Variants in POLD1 observed in about 807,000 individuals in gnomAD.
POLD1 encodes DNA polymerase delta catalytic subunit.
In POLD1, 79 loss-of-function variants were observed where a neutral mutation model predicts 129.7. The ratio of observed to expected loss-of-function variants is 0.61; its 90% CI spans 0.51 to 0.73. POLD1 has a LOEUF of 0.73. POLD1 is among the 30% of genes least tolerant of loss of function. The pLI is 0.00. For synonymous variants in POLD1, 714 were observed against 683.3 expected (o/e 1.04, Z -0.70); for missense variants, 1,338 against 1,595.8 (o/e 0.84, Z 2.75).
intron 24 of POLD1, 65 bp downstream of exon 24, chr19:50,416,788 T>C (rs760138543): frequency 1.3e-5 from 17 of 1,283,446 alleles, no homozygotes; most frequent in African/African-American, 4.4e-5. Context: ...CCCCAGATCC[T>C]AGACACCCAC....
In POLD1 at chr19:50,397,430, A is replaced by C. The variant is rs146615034; in HGVS notation, c.-1-1421A>C. Among the ~76,000 whole-genome samples the C allele has an allele frequency of 1.1e-3, 154 of 134,104 alleles. 1 individual carries two copies. The East Asian group carries it at 0.03, about 26-fold the overall frequency. The allele number at this position is 134,104 out of a possible 152,430, so 88.0% of individuals were successfully genotyped here. On this transcript the variant is annotated intron_variant, in intron 1 of 26. Transcript: ENST00000440232. Reference sequence around the variant, plus strand: ...TTTTTTTTTTTTTTTTCTGAGACGGAGTCTTGCTCTGTGGCCCAGGATGGA... The same window carrying C: ...TTTTTTTTTTTTTTTTCTGAGACGGCGTCTTGCTCTGTGGCCCAGGATGGA...
At chr19:50,385,137 G>C (rs2037926532) in intron 1 of POLD1, among the ~76,000 whole-genome samples, 1 of 152,154 alleles carries the variant, frequency 6.6e-6, no homozygotes, top group African/African-American at 2.4e-5. Flanking sequence ...AACACGATTC[G>C]CCCCATGTTT....
chr19:50,417,674 C>A (rs2445839), intron 26 of POLD1, among the ~76,000 whole-genome samples, 168 bp from the exon 27 acceptor site: 18 of 110,392 alleles, frequency 1.6e-4, no homozygotes, highest in African/African-American at 7.6e-4. Context: ...TATCGGCTCC[C>A]CCCCCCCACC....
chr19:50,401,029 G>A (rs2038579788), intron 3 of POLD1, among the ~76,000 whole-genome samples: 1 of 151,472 alleles, frequency 6.6e-6, no homozygotes, highest in Non-Finnish European at 1.5e-5. Flanking sequence ...TTTGGGCCCG[G>A]CATGGTGGCT....
At chr19:50,393,161 C>T (rs561261774) in intron 1 of POLD1, among the ~76,000 whole-genome samples, 2 of 152,272 alleles carry the variant, frequency 1.3e-5, no homozygotes, top group South Asian at 4.2e-4. Flanking sequence ...ATTGAGGTGG[C>T]ATTTACATGG....
intron 1 of POLD1, among the ~76,000 whole-genome samples, chr19:50,395,562 A>T (rs909136614): frequency 1.3e-5 from 2 of 150,970 alleles, no homozygotes; most frequent in East Asian, 2.0e-4. Flanking sequence ...CCAGCCTGGG[A>T]GACAGAGCGA....
intron 1 of POLD1, among the ~76,000 whole-genome samples, chr19:50,396,384 A>G (rs1601182517): frequency 6.7e-6 from 1 of 150,098 alleles, no homozygotes; most frequent in East Asian, 1.9e-4. Context: ...CACCGTGCCT[A>G]ACTCTAGTCA....
At chr19:50,417,787 AG>A (rs1568643198) in intron 26 of POLD1, 54 bp from the exon 27 acceptor site, 1 of 1,046,458 alleles carries the variant, frequency 9.6e-7, no homozygotes, top group Non-Finnish European at 1.4e-6. Context: ...CCCCTCTCCC[AG>A]GCTGGGCACT....
intron 1 of POLD1, among the ~76,000 whole-genome samples, chr19:50,390,545 C>G (rs1294017760): frequency 6.6e-6 from 1 of 151,780 alleles, no homozygotes; most frequent in Non-Finnish European, 1.5e-5. Flanking sequence ...GCATTCCTAG[C>G]ACATTCTACA....
rs549573556 is a variant in POLD1 at position 50,386,209 on chromosome 19, G to C, written c.-2+1819G>C. Among the ~76,000 whole-genome samples, 5 of 151,920 alleles carry C rather than the reference G, an allele frequency of 3.3e-5. No individual in the cohort carries two copies. In the East Asian group the frequency reaches 7.8e-4, roughly 24 times the overall value. On this transcript the variant is annotated intron_variant, in intron 1 of 26. Transcript: ENST00000440232. ...GGCTGGAGTGCAGTGGCGCGATCTC[G>C]GCTCACTAACCTCCACCTCCCGGGT...
At chr19:50,395,465 TC>T (rs1275165034) in intron 1 of POLD1, among the ~76,000 whole-genome samples, 3 of 151,798 alleles carry the variant, frequency 2.0e-5, no homozygotes, top group Non-Finnish European at 4.4e-5. Flanking sequence ...ACGCCTGTAG[TC>T]CCAGCTACTC....
At chr19:50,389,971 C>T (rs531486183) in intron 1 of POLD1, among the ~76,000 whole-genome samples, 6 of 149,946 alleles carry the variant, frequency 4.0e-5, no homozygotes, top group Non-Finnish European at 7.4e-5. Context: ...TGCAGTGGTG[C>T]GATCTTGGCT....
At chr19:50,389,609 C>G (rs537548383) in intron 1 of POLD1, among the ~76,000 whole-genome samples, 9 of 149,922 alleles carry the variant, frequency 6.0e-5, no homozygotes, top group African/African-American at 7.4e-5. Flanking sequence ...TTTTCCAAGA[C>G]TGAGTCTTGC....
At chr19:50,396,895 A>G (rs1244534037) in intron 1 of POLD1, among the ~76,000 whole-genome samples, 1 of 150,696 alleles carries the variant, frequency 6.6e-6, no homozygotes, top group Non-Finnish European at 1.5e-5. Flanking sequence ...CAGGAGTTCA[A>G]GACCAGGATG....
At position 50,406,144 on chromosome 19, in the gene POLD1, A is replaced by T. The variant is rs200385548; in HGVS notation, c.1243-38A>T. ...CGTTCTTCAGGCTTATGTGACGGGGACCCGCAGCCTGCTGCACACCCTGCC... is the reference window on the plus strand; with the variant it reads ...CGTTCTTCAGGCTTATGTGACGGGGTCCCGCAGCCTGCTGCACACCCTGCC... On this transcript the variant is annotated intron_variant, in intron 10 of 26. Coordinates refer to ENST00000440232, the MANE Select transcript of POLD1 (RefSeq NM_002691.4). This position sits in a 1 kb window ranked among gnomAD's most constrained non-coding sequence, Gnocchi z 5.5. The T allele has an allele frequency of 6.3e-7, 1 of 1,597,648 alleles. No homozygotes were observed. Among genetic ancestry groups the T allele is most frequent in the South Asian group, 1.1e-5 (1 of 89,758 alleles).
At chr19:50,391,522 C>T (rs992386399) in intron 1 of POLD1, among the ~76,000 whole-genome samples, 2 of 152,188 alleles carry the variant, frequency 1.3e-5, no homozygotes, top group African/African-American at 4.8e-5. Context: ...ACGGCGAAAC[C>T]CCGTCTCCAC....
intron 3 of POLD1, among the ~76,000 whole-genome samples, chr19:50,401,355 T>A (rs1726799): frequency 0.024 from 2,860 of 120,766 alleles, 84 homozygotes; most frequent in African/African-American, 0.055. Context: ...GTGTGTGTAT[T>A]TGTGTATATG....
chr19:50,403,406 G>T (rs904883447), intron 9 of POLD1, 87 bp from the exon 10 acceptor site: 9 of 1,206,590 alleles, frequency 7.5e-6, no homozygotes, highest in Middle Eastern at 1.9e-4. Flanking sequence ...GATTTTCAGG[G>T]GTGGCTGGGG....
At position 50,406,442 on chromosome 19, in the gene POLD1, G is replaced by T. The variant is rs763643495; in HGVS notation, c.1419G>T (p.Thr473=). The change falls in exon 12 of 27, where the codon ACG becomes ACT. Residue 473 remains threonine (T), a synonymous_variant. Coordinates refer to ENST00000440232, the MANE Select transcript of POLD1 (RefSeq NM_002691.4). The surrounding 1 kb of genome is among the most constrained non-coding windows in gnomAD (Gnocchi z 5.5). ...LLREYKLRSY[T]LNAVSFHFLG... is the part of the protein sequence containing the mutation. ...GGGAGTACAAGCTCCGCTCCTACAC[G>T]CTCAATGCCGTGAGCTTCCACTTCC... 1 of 1,599,258 alleles carries T rather than the reference G, an allele frequency of 6.3e-7. No individual in the cohort carries two copies. Among genetic ancestry groups the T allele is most frequent in the Non-Finnish European group, 8.5e-7 (1 of 1,172,798 alleles).
Sources: allele counts gnomAD v4.1 joint callset (sites outside exome capture counted in the v4.1 genomes callset), GRCh38; gene constraint gnomAD v4.1.1; non-coding constraint Gnocchi (gnomAD v3.1); transcripts MANE v1.5; gene names NCBI Gene and HGNC (gene_info 2026-07-23, HGNC 2026-07-21).